The following METTL2B variants were observed in gnomAD, a reference collection of about 807,000 sequenced individuals.
METTL2B encodes the protein tRNA N(3)-cytidine methyltransferase METTL2B.
In METTL2B, 28 loss-of-function variants were observed where a neutral mutation model predicts 51.0. The observed-to-expected ratio is 0.55, with a 90% CI of 0.41 to 0.75. METTL2B has a LOEUF of 0.75. Ranked by LOEUF, METTL2B falls within the 30% of genes least tolerant of loss-of-function variation. METTL2B has a pLI of 0.00. For missense variants in METTL2B, 313 were observed against 460.7 expected (o/e 0.68, Z 2.93); for synonymous variants, 128 against 166.3 (o/e 0.77, Z 1.77).
chr7:128,491,731 C>T (rs1234899566), intron 5 of METTL2B, among the ~76,000 whole-genome samples: 1 of 138,522 alleles, frequency 7.2e-6, no homozygotes, highest in Non-Finnish European at 1.5e-5. Context: ...CGCACCACTC[C>T]AGCCTGGGCA....
intron 4 of METTL2B, among the ~76,000 whole-genome samples, chr7:128,485,705 C>T (rs1268235192): frequency 4.0e-5 from 6 of 150,820 alleles, no homozygotes; most frequent in African/African-American, 9.8e-5. Context: ...CTGGCATGCA[C>T]GTGTAGTCTC....
At chr7:128,495,751 C>T (rs1357590105) in intron 6 of METTL2B, among the ~76,000 whole-genome samples, 1 of 152,084 alleles carries the variant, frequency 6.6e-6, no homozygotes, top group African/African-American at 2.4e-5. Context: ...CTGCACCTGA[C>T]CAAAACTATC....
Position 128,476,840 on chromosome 7 carries a change from G to C in METTL2B, c.75G>C (p.Leu25=). Residue 25 remains leucine, a synonymous_variant, in exon 1 of 9, where the codon CTG becomes CTC. Transcript: ENST00000262432. ...DKRQQFGSRF[L]SDPARVFHHN... ...GGCAGCAGTTCGGAAGCCGGTTCCTGAGCGATCCGGCGCGCGTCTTCCACC... is the reference window on the plus strand; with the variant it reads ...GGCAGCAGTTCGGAAGCCGGTTCCTCAGCGATCCGGCGCGCGTCTTCCACC... The C allele has an allele frequency of 6.2e-7, 1 of 1,614,076 alleles. No homozygotes were observed. The highest frequency in any genetic ancestry group is 8.5e-7 in the Non-Finnish European group (1 of 1,179,994).
rs544415312 is a variant in METTL2B at position 128,481,260 on chromosome 7, C to T, written c.608+564C>T. Among the ~76,000 whole-genome samples, 9 of 152,322 alleles carry T rather than the reference C, an allele frequency of 5.9e-5. No individual in the cohort carries two copies. In the South Asian group the frequency reaches 1.9e-3, roughly 32 times the overall value. ...CCAACACTGACCAATTCAACAACAG[C>T]TGGGTGTCCTACAATTCAATTCTGA... is the stretch of plus-strand genomic sequence containing the variant. On this transcript the variant is annotated intron_variant, in intron 4 of 8. Transcript: ENST00000262432.
rs541360588 is a variant in METTL2B at position 128,480,429 on chromosome 7, C to T, written c.559-218C>T. On this transcript the variant is annotated intron_variant, in intron 3 of 8. Transcript: ENST00000262432. ...CCTTGCCCTTTTTTCTAGACCACCTCGTTTCTGCTAATAAAAACCCATGTT... is the reference window on the plus strand; with the variant it reads ...CCTTGCCCTTTTTTCTAGACCACCTTGTTTCTGCTAATAAAAACCCATGTT... Among the ~76,000 whole-genome samples, 77 of 152,286 alleles carry T rather than the reference C, an allele frequency of 5.1e-4. 2 individuals carry two copies. Among genetic ancestry groups the T allele is most frequent in the Admixed American group, 5.0e-3 (77 of 15,280 alleles).
chr7:128,488,694 C>A, intron 5 of METTL2B: 1 of 330,414 alleles, frequency 3.0e-6, no homozygotes, highest in Admixed American at 3.8e-5. Context: ...TCTACAGTGT[C>A]CTCTGTGTGC....
rs5020395 is a variant in METTL2B, at chr7:128,501,661, C to A, written c.983-101C>A. On this transcript the variant is annotated intron_variant, in intron 8 of 8. Coordinates refer to ENST00000262432, the MANE Select transcript of METTL2B (RefSeq NM_018396.3). Reference sequence around the variant, plus strand: ...TAACCAAATGGCCATGTAAAAAACACGACAGCAACTTCCCAGAGCCCCATT... The same window carrying A: ...TAACCAAATGGCCATGTAAAAAACAAGACAGCAACTTCCCAGAGCCCCATT... 16 of 1,526,782 alleles carry A rather than the reference C, an allele frequency of 1.0e-5. No individual in the cohort carries two copies. The South Asian group carries it at 2.0e-4, about 19-fold the overall frequency. 94.6% of individuals were successfully genotyped at this position (1,526,782 alleles called of 1,614,324 possible). A position where few individuals can be genotyped will look rare whatever the true frequency, so the allele number is the denominator to read the frequency against.
intron 5 of METTL2B, among the ~76,000 whole-genome samples, chr7:128,490,288 C>T (rs1237764836): frequency 1.3e-5 from 2 of 149,372 alleles, no homozygotes; most frequent in Non-Finnish European, 3.0e-5. Flanking sequence ...GAAGAAGCAA[C>T]AAGATTGCAG....
rs368183906 is a variant in METTL2B, at chr7:128,486,987, C to T, written c.609-1114C>T. On this transcript the variant is annotated intron_variant, in intron 4 of 8. Coordinates refer to ENST00000262432, the MANE Select transcript of METTL2B (RefSeq NM_018396.3). ...ACAGGACAGGCATGGACCCTGCTTT[C>T]GGAGCAGTGCTGTGGAATAGAACTT... is the stretch of plus-strand genomic sequence containing the variant. Among the ~76,000 whole-genome samples, 13 of 152,298 alleles carry T rather than the reference C, an allele frequency of 8.5e-5. No homozygotes were observed. The East Asian group carries it at 1.2e-3, about 14-fold the overall frequency.
intron 5 of METTL2B, among the ~76,000 whole-genome samples, chr7:128,489,355 G>C (rs112904798): frequency 0.12 from 18,007 of 149,018 alleles, 1,185 homozygotes; most frequent in Non-Finnish European, 0.14. Context: ...AGAATTGCTT[G>C]AACTGGGGAG....
intron 4 of METTL2B, chr7:128,484,232 T>TTGTTTG (rs1584790593): frequency 1.2e-5 from 1 of 83,558 alleles, no homozygotes; most frequent in Non-Finnish European, 2.2e-5. Flanking sequence ...TTTTTTTTTT[T>TTGTTTG]TTTTTTTTTT....
At chr7:128,484,440 G>C (rs1792662829) in intron 4 of METTL2B, among the ~76,000 whole-genome samples, 1 of 150,606 alleles carries the variant, frequency 6.6e-6, no homozygotes, top group African/African-American at 2.4e-5. Flanking sequence ...CCCAGGCCAG[G>C]GTTCTTAATA....
intron 4 of METTL2B, among the ~76,000 whole-genome samples, chr7:128,481,683 T>C (rs1026673374): frequency 1.3e-5 from 2 of 152,194 alleles, no homozygotes; most frequent in African/African-American, 4.8e-5. Flanking sequence ...TGTTCTGTCA[T>C]CCCGACTAGA....
chr7:128,501,871 G>T lies in METTL2B; in HGVS notation c.1092G>T (p.Trp364Cys), dbSNP rs1222915539. 7 of 1,614,082 alleles carry T rather than the reference G, an allele frequency of 4.3e-6. No homozygotes were observed. Among genetic ancestry groups the T allele is most frequent in the Non-Finnish European group, 5.9e-6 (7 of 1,180,050 alleles). ...RGKQLTMYRV[W>C]IQCKYCKPLL... ...AGCAACTGACAATGTACCGGGTTTG[G>T]ATTCAGTGCAAATACTGCAAGCCCC... The change falls in exon 9 of 9, where the codon TGG becomes TGT. Residue 364 changes from tryptophan to cysteine, a missense_variant. Coordinates refer to ENST00000262432, the MANE Select transcript of METTL2B (RefSeq NM_018396.3).
At chr7:128,491,154 C>CAA (rs56007742) in intron 5 of METTL2B, among the ~76,000 whole-genome samples, 56,921 of 103,150 alleles carry the variant, frequency 0.55, 16,588 homozygotes, top group East Asian at 0.68. Context: ...GACTCCATCT[C>CAA]AAAAAAAAAA....
intron 8 of METTL2B, 150 bp from the exon 9 acceptor site, chr7:128,501,612 G>C (rs772958687): frequency 6.8e-7 from 1 of 1,466,378 alleles, no homozygotes. Context: ...TGAACTTGTT[G>C]TTACCAAGCC....
At chr7:128,497,889 A>C in intron 6 of METTL2B, 147 bp from the exon 7 acceptor site, 1 of 722,366 alleles carries the variant, frequency 1.4e-6, no homozygotes, top group Non-Finnish European at 2.2e-6. Flanking sequence ...AACGTCCTTC[A>C]GTTCTAACTG....
Position 128,494,711 on chromosome 7 carries a change from T to C in METTL2B, c.809+768T>C, listed in dbSNP as rs536322612. ...GGCGTGATCTAGGCTCACTGCAACCTCCGCCTCCCCAGTTCACACAATTGT... is the reference window on the plus strand; with the variant it reads ...GGCGTGATCTAGGCTCACTGCAACCCCCGCCTCCCCAGTTCACACAATTGT... On this transcript the variant is annotated intron_variant, in intron 6 of 8. Transcript: ENST00000262432. Among the ~76,000 whole-genome samples, 10 of 152,182 alleles carry C rather than the reference T, an allele frequency of 6.6e-5. No homozygotes were observed. The East Asian group carries it at 1.4e-3, about 21-fold the overall frequency.
intron 6 of METTL2B, among the ~76,000 whole-genome samples, chr7:128,496,307 G>A (rs1402415144): frequency 6.6e-6 from 1 of 152,196 alleles, no homozygotes; most frequent in Non-Finnish European, 1.5e-5. Flanking sequence ...CACTTTGGGA[G>A]GCTGAGGTGG....
Sources: allele counts gnomAD v4.1 joint callset (sites outside exome capture counted in the v4.1 genomes callset), GRCh38; gene constraint gnomAD v4.1.1; transcripts MANE v1.5; gene names NCBI Gene and HGNC (gene_info 2026-07-23, HGNC 2026-07-21).